ANKS1B: variants seen among roughly 807,000 people sequenced by gnomAD.
ANKS1B encodes ankyrin repeat and sterile alpha motif domain containing 1B.
Under a neutral mutation model 148.3 loss-of-function variants are expected in ANKS1B, and 36 were observed. That is an observed-to-expected ratio of 0.24 (90% CI 0.19 to 0.32). ANKS1B has a LOEUF of 0.32. ANKS1B is among the 10% of genes least tolerant of loss of function. The pLI is 1.00. For synonymous variants in ANKS1B, 542 were observed against 560.8 expected, an observed-to-expected ratio of 0.97 and a Z score of 0.47; for missense variants, 1,157 against 1,542.6, an observed-to-expected ratio of 0.75 and a Z score of 4.19.
intron 8 of ANKS1B, among the ~76,000 whole-genome samples, chr12:99,753,514 A>C (rs1381809970): frequency 2.6e-5 from 4 of 152,128 alleles, no homozygotes; most frequent in Admixed American, 6.6e-5. Context: ...TGTATACTTC[A>C]ATGTGTTTTT....
chr12:99,533,410 C>G (rs1037763013), intron 9 of ANKS1B, among the ~76,000 whole-genome samples: 2 of 152,244 alleles, frequency 1.3e-5, no homozygotes, highest in African/African-American at 4.8e-5. Context: ...TTAGTGAATT[C>G]ATCTATCAGA....
At chr12:99,773,917 C>T (rs1392563295) in intron 7 of ANKS1B, among the ~76,000 whole-genome samples, 1 of 152,028 alleles carries the variant, frequency 6.6e-6, no homozygotes, top group Non-Finnish European at 1.5e-5. Flanking sequence ...ATAGTCTCTT[C>T]AATAAATAGT....
intron 17 of ANKS1B, among the ~76,000 whole-genome samples, chr12:98,851,461 G>A (rs1161323297): frequency 6.6e-6 from 1 of 152,102 alleles, no homozygotes; most frequent in African/African-American, 2.4e-5. Flanking sequence ...ACGTGTGCAA[G>A]GACACAACAG....
At chr12:99,778,266 A>C (rs2063890289) in intron 6 of ANKS1B, among the ~76,000 whole-genome samples, 1 of 151,982 alleles carries the variant, frequency 6.6e-6, no homozygotes. Context: ...CCAGCACTTT[A>C]AGAGGCCAAG....
intron 15 of ANKS1B, among the ~76,000 whole-genome samples, chr12:99,114,930 C>T (rs545145929): frequency 2.0e-5 from 3 of 152,064 alleles, no homozygotes; most frequent in Admixed American, 2.0e-4. Flanking sequence ...AATAAGATAC[C>T]ATCTCACACC....
At chr12:99,148,536 C>A (rs925019593) in intron 15 of ANKS1B, among the ~76,000 whole-genome samples, 2 of 152,002 alleles carry the variant, frequency 1.3e-5, no homozygotes, top group African/African-American at 4.8e-5. Context: ...TATACAAGAA[C>A]AATTAGTAGC....
At chr12:99,729,095 A>G (rs1201278662) in intron 8 of ANKS1B, among the ~76,000 whole-genome samples, 3 of 152,252 alleles carry the variant, frequency 2.0e-5, no homozygotes, top group African/African-American at 7.2e-5. Context: ...GTGTAAAGCA[A>G]CATATTCACA....
chr12:99,564,126 T>C (rs765277587), intron 9 of ANKS1B, among the ~76,000 whole-genome samples: 20 of 152,294 alleles, frequency 1.3e-4, no homozygotes, highest in East Asian at 1.9e-4. Flanking sequence ...AAAACTTCTA[T>C]GTACATTGAA....
At position 98,927,552 on chromosome 12, in the gene ANKS1B, T is replaced by C. The variant is rs912951150; in HGVS notation, c.2779-95416A>G. Among the ~76,000 whole-genome samples the C allele has an allele frequency of 3.3e-5, 5 of 152,036 alleles. No individual in the cohort carries two copies. The South Asian group carries it at 6.2e-4, about 19-fold the overall frequency. On this transcript the variant is annotated intron_variant, in intron 17 of 26. Transcript: ENST00000683438. The stretch of plus-strand genomic sequence containing the variant: ...GATAGGCTTATAATTTATAAATATA[T>C]ACTTTTTTAATTGAAATTTTTTTCT...
intron 1 of ANKS1B, among the ~76,000 whole-genome samples, chr12:99,969,941 C>T (rs184325905): frequency 6.6e-6 from 1 of 152,226 alleles, no homozygotes; most frequent in East Asian, 1.9e-4. Flanking sequence ...ATGGGGAAGA[C>T]ATTGCAAGAC....
intron 1 of ANKS1B, among the ~76,000 whole-genome samples, chr12:99,929,323 C>T (rs1055568984): frequency 1.8e-4 from 27 of 152,158 alleles, no homozygotes; most frequent in South Asian, 4.2e-4. Flanking sequence ...TCATATCCTT[C>T]GCCCACTTGT....
chr12:98,906,825 G>A (rs1008902395), intron 17 of ANKS1B, among the ~76,000 whole-genome samples: 2 of 152,100 alleles, frequency 1.3e-5, no homozygotes, highest in Admixed American at 1.3e-4. Flanking sequence ...ATATTCATTT[G>A]TTTTTTAAAT....
intron 9 of ANKS1B, among the ~76,000 whole-genome samples, chr12:99,546,564 A>G (rs1285072731): frequency 1.3e-5 from 2 of 152,296 alleles, no homozygotes; most frequent in African/African-American, 4.8e-5. Context: ...CAGAGCGAAG[A>G]AAATGGGATC....
chr12:98,740,918 G>A (rs1026069820), downstream of ANKS1B, among the ~76,000 whole-genome samples: 2 of 152,154 alleles, frequency 1.3e-5, no homozygotes, highest in Non-Finnish European at 2.9e-5. Context: ...GTGTGCTGGA[G>A]GATGCTCCAG....
At chr12:99,255,994 G>A (rs552699303) in intron 12 of ANKS1B, among the ~76,000 whole-genome samples, 1 of 152,068 alleles carries the variant, frequency 6.6e-6, no homozygotes, top group African/African-American at 2.4e-5. Flanking sequence ...ATTGAGTGAG[G>A]TGTGTTGAAA....
chr12:99,211,385 G>C (rs2153912405), intron 14 of ANKS1B, among the ~76,000 whole-genome samples: 1 of 152,298 alleles, frequency 6.6e-6, no homozygotes, highest in East Asian at 1.9e-4. Flanking sequence ...GCAGGATTAG[G>C]AAGTCCCCTC....
At chr12:99,586,245 ATC>A (rs941178029) in intron 9 of ANKS1B, among the ~76,000 whole-genome samples, 14 of 152,138 alleles carry the variant, frequency 9.2e-5, no homozygotes, top group African/African-American at 3.4e-4. Flanking sequence ...ACCCTAAATC[ATC>A]TCTCTCAAGT....
chr12:99,222,523 G>C (rs2085287910), intron 14 of ANKS1B, among the ~76,000 whole-genome samples: 1 of 152,196 alleles, frequency 6.6e-6, no homozygotes, highest in Admixed American at 6.5e-5. Context: ...GGCTGAGATA[G>C]GAGGATCCTT....
intron 25 of ANKS1B, among the ~76,000 whole-genome samples, chr12:98,770,381 G>C (rs1263811586): frequency 6.6e-6 from 1 of 152,168 alleles, no homozygotes. Context: ...ACTGTATAAA[G>C]AAACAATCAA....
Sources: allele counts gnomAD v4.1 joint callset (sites outside exome capture counted in the v4.1 genomes callset), GRCh38; gene constraint gnomAD v4.1.1; transcripts MANE v1.5; gene names NCBI Gene and HGNC (gene_info 2026-07-23, HGNC 2026-07-21).